The following FRMD4A variants were observed in gnomAD, a reference collection of about 807,000 sequenced individuals.
FRMD4A encodes FERM domain containing 4A, also known as FERM domain-containing protein 4A.
A neutral mutation model predicts 129.1 loss-of-function variants in FRMD4A; 29 were observed. That is an observed-to-expected ratio of 0.22 (90% CI 0.17 to 0.31). The LOEUF is 0.31. FRMD4A is among the 10% of genes least tolerant of loss of function. The pLI is 1.00. For synonymous variants in FRMD4A, 634 were observed against 571.6 expected (o/e 1.11, Z -1.56); for missense variants, 1,272 against 1,375.8 (o/e 0.92, Z 1.19).
At chr10:14,086,908 G>C (rs954089474) in intron 2 of FRMD4A, among the ~76,000 whole-genome samples, 3 of 152,138 alleles carry the variant, frequency 2.0e-5, no homozygotes, top group African/African-American at 7.2e-5. Context: ...GATTTTGAGG[G>C]GGATGTCTTG....
chr10:14,242,374 C>G (rs967543256), intron 2 of FRMD4A, among the ~76,000 whole-genome samples: 4 of 152,188 alleles, frequency 2.6e-5, no homozygotes, highest in Non-Finnish European at 5.9e-5. Context: ...TAATTTTATT[C>G]TCACAAATCT....
At chr10:13,711,410 A>G (rs991021227) in intron 12 of FRMD4A, among the ~76,000 whole-genome samples, 2 of 152,196 alleles carry the variant, frequency 1.3e-5, no homozygotes, top group Non-Finnish European at 2.9e-5. Context: ...GGCAGCCCCG[A>G]TGGTCTGCGC....
chr10:14,005,598 C>T (rs1256547121), intron 2 of FRMD4A, among the ~76,000 whole-genome samples: 5 of 152,172 alleles, frequency 3.3e-5, no homozygotes, highest in African/African-American at 1.2e-4. Context: ...AATGGCATAT[C>T]TTCTATATTT....
intron 2 of FRMD4A, among the ~76,000 whole-genome samples, chr10:14,304,107 A>G (rs150860621): frequency 1.3e-5 from 2 of 152,230 alleles, no homozygotes; most frequent in Non-Finnish European, 2.9e-5. Context: ...GGGTATACAA[A>G]TATCTCAACA....
At chr10:13,730,373 A>T (rs996975634) in intron 12 of FRMD4A, among the ~76,000 whole-genome samples, 1 of 152,184 alleles carries the variant, frequency 6.6e-6, no homozygotes, top group East Asian at 1.9e-4. Flanking sequence ...GAAAGAGGTA[A>T]AACTCTTGCT....
At chr10:14,088,605 A>C (rs916856221) in intron 2 of FRMD4A, among the ~76,000 whole-genome samples, 1 of 151,768 alleles carries the variant, frequency 6.6e-6, no homozygotes, top group African/African-American at 2.4e-5. Flanking sequence ...CATTTCTACC[A>C]AAAAATGCAA....
chr10:14,016,474 AGCC>A (rs938413748), intron 2 of FRMD4A, among the ~76,000 whole-genome samples: 1 of 152,222 alleles, frequency 6.6e-6, no homozygotes, highest in Admixed American at 6.5e-5. Flanking sequence ...TTCACCGTCT[AGCC>A]ATCTGCCTCT....
At position 14,184,298 on chromosome 10, in the gene FRMD4A, ATTT is replaced by A. The variant is rs60196881; in HGVS notation, c.45+145757_45+145759del. ...AGGTGCATACCACCACAACCGGTTA[ATTT>A]TTTTTTTTTTTTTAGTAGAGATGGG... On this transcript the variant is annotated intron_variant, in intron 2 of 24. Coordinates refer to ENST00000357447, the MANE Select transcript of FRMD4A (RefSeq NM_018027.5). Among the ~76,000 whole-genome samples, 76 of 104,892 alleles carry A rather than the reference ATTT, an allele frequency of 7.2e-4. 3 individuals are homozygous for A. The East Asian group carries it at 0.019, about 26-fold the overall frequency. The allele number at this position is 104,892 out of a possible 152,430, so 68.8% of individuals were successfully genotyped here. A position where few individuals can be genotyped will look rare whatever the true frequency, so the allele number is the denominator to read the frequency against.
chr10:14,054,672 C>A (rs756345008), intron 2 of FRMD4A, among the ~76,000 whole-genome samples: 2 of 152,102 alleles, frequency 1.3e-5, no homozygotes, highest in Non-Finnish European at 2.9e-5. Flanking sequence ...ACTGTCCCCT[C>A]CAATGCCAAG....
chr10:14,297,488 C>A (rs1846047057), intron 2 of FRMD4A, among the ~76,000 whole-genome samples: 2 of 152,098 alleles, frequency 1.3e-5, no homozygotes, highest in South Asian at 2.1e-4. Flanking sequence ...GATGGCTCAT[C>A]ATTATCAGAA....
At chr10:13,695,810 G>A (rs1202255241) in intron 14 of FRMD4A, among the ~76,000 whole-genome samples, 1 of 152,208 alleles carries the variant, frequency 6.6e-6, no homozygotes, top group Non-Finnish European at 1.5e-5. Context: ...ACCACTCCTG[G>A]ATGCCCCGTG....
intron 2 of FRMD4A, among the ~76,000 whole-genome samples, chr10:14,023,133 A>G (rs539270670): frequency 6.6e-6 from 1 of 152,024 alleles, no homozygotes; most frequent in East Asian, 1.9e-4. Flanking sequence ...GACCCTGGCC[A>G]TGAATCTCCC....
intron 2 of FRMD4A, among the ~76,000 whole-genome samples, chr10:14,021,912 A>C (rs1023859763): frequency 2.6e-5 from 4 of 152,208 alleles, no homozygotes; most frequent in Non-Finnish European, 5.9e-5. Context: ...ACCAGAGTAC[A>C]ACCTGGTAAG....
intron 3 of FRMD4A, among the ~76,000 whole-genome samples, chr10:13,851,500 A>G (rs1281020821): frequency 6.6e-6 from 1 of 152,138 alleles, no homozygotes; most frequent in East Asian, 1.9e-4. Flanking sequence ...TGCTTGCATT[A>G]CTGCCTGAGC....
chr10:13,775,236 C>T (rs2092567463), intron 6 of FRMD4A, among the ~76,000 whole-genome samples: 1 of 152,160 alleles, frequency 6.6e-6, no homozygotes, highest in Admixed American at 6.6e-5. Context: ...ACTAAAAGTG[C>T]CCATCGAACA....
At chr10:14,109,987 CAA>C (rs113296482) in intron 2 of FRMD4A, among the ~76,000 whole-genome samples, 26 of 117,496 alleles carry the variant, frequency 2.2e-4, no homozygotes, top group Admixed American at 2.7e-4. Context: ...CCAAACCCAC[CAA>C]AAAAAAAAAA....
At chr10:14,310,007 G>C (rs1300546845) in intron 2 of FRMD4A, among the ~76,000 whole-genome samples, 6 of 147,012 alleles carry the variant, frequency 4.1e-5, no homozygotes, top group African/African-American at 1.5e-4. Context: ...GATGTCCTTC[G>C]CCCTCGTGCA....
chr10:13,932,662 T>C (rs1156524417), intron 2 of FRMD4A, among the ~76,000 whole-genome samples: 1 of 152,240 alleles, frequency 6.6e-6, no homozygotes, highest in Non-Finnish European at 1.5e-5. Context: ...ACAGTCTCTT[T>C]GAGTAAGTTA....
At chr10:14,045,531 T>C (rs1833951326) in intron 2 of FRMD4A, among the ~76,000 whole-genome samples, 1 of 151,554 alleles carries the variant, frequency 6.6e-6, no homozygotes. Flanking sequence ...ACCATAAATA[T>C]GTATCGTTAT....
Sources: allele counts gnomAD v4.1 joint callset (sites outside exome capture counted in the v4.1 genomes callset), GRCh38; gene constraint gnomAD v4.1.1; transcripts MANE v1.5; gene names NCBI Gene and HGNC (gene_info 2026-07-23, HGNC 2026-07-21).